Variants in TRIO observed in about 807,000 individuals in gnomAD.
TRIO encodes the protein trio Rho guanine nucleotide exchange factor, also known as triple functional domain protein.
A neutral mutation model predicts 351.9 loss-of-function variants in TRIO; 58 were observed. That is an observed-to-expected ratio of 0.16 (90% confidence interval 0.13 to 0.21). The LOEUF is 0.21. Ranked by LOEUF, TRIO falls within the 10% of genes least tolerant of loss-of-function variation. The probability of loss-of-function intolerance (pLI) is 1.00; values close to 1 mark genes in which losing one functional copy is unlikely to be tolerated. For missense variants in TRIO, 3,201 were observed against 4,027.8 expected (o/e 0.79, Z 5.56); for synonymous variants, 1,758 against 1,595.7 (o/e 1.10, Z -2.42).
chr5:14,413,041 G>A (rs1027719511), intron 33 of TRIO, among the ~76,000 whole-genome samples: 9 of 152,264 alleles, frequency 5.9e-5, no homozygotes, highest in Non-Finnish European at 7.4e-5. Flanking sequence ...CTGTGTCTCC[G>A]TTATACAGAT....
intron 1 of TRIO, among the ~76,000 whole-genome samples, chr5:14,165,164 C>A (rs1788693416): frequency 6.6e-6 from 1 of 152,116 alleles, no homozygotes; most frequent in Admixed American, 6.5e-5. Flanking sequence ...GATATACGAG[C>A]AGATTTGTTA....
intron 12 of TRIO, 133 bp from the exon 13 acceptor site, chr5:14,359,224 C>G: frequency 9.5e-7 from 1 of 1,047,772 alleles, no homozygotes; most frequent in Non-Finnish European, 1.4e-6. Flanking sequence ...GAGAGCAGCC[C>G]GTTCCATTTT....
intron 1 of TRIO, among the ~76,000 whole-genome samples, chr5:14,236,076 AC>A (rs1272661210): frequency 1.3e-5 from 2 of 152,182 alleles, no homozygotes. Flanking sequence ...TGTGGTAGAA[AC>A]CAAGCTTGTG....
rs115077705 is a variant in TRIO, at chr5:14,458,977, A to G, written c.5204-2042A>G. 1.2e-3 allele frequency among the ~76,000 whole-genome samples: 188 copies of G among 152,364 alleles called. 1 individual carries two copies. Among genetic ancestry groups the G allele is most frequent in the African/African-American group, 4.1e-3 (171 of 41,584 alleles). ...AATATATGAGAAAATATATATACAT[A>G]TAAGTACACAAACATAATATAGACA... On this transcript the variant is annotated intron_variant, in intron 34 of 56. Transcript: ENST00000344204.
chr5:14,377,157 T>A (rs1020321013), intron 19 of TRIO, among the ~76,000 whole-genome samples: 1 of 117,924 alleles, frequency 8.5e-6, no homozygotes, highest in African/African-American at 4.6e-5. Flanking sequence ...ATGAGGTTTG[T>A]TTTTTTTTTT....
At chr5:14,302,624 A>G (rs894533608) in intron 7 of TRIO, among the ~76,000 whole-genome samples, 2 of 152,356 alleles carry the variant, frequency 1.3e-5, no homozygotes, top group South Asian at 2.1e-4. Context: ...GCACTCAACA[A>G]TAAAAGGATT....
intron 9 of TRIO, among the ~76,000 whole-genome samples, chr5:14,319,985 G>T (rs115861021): frequency 6.6e-6 from 1 of 152,186 alleles, no homozygotes; most frequent in Non-Finnish European, 1.5e-5. Context: ...CACACTTACC[G>T]TGCTTCCAAT....
chr5:14,246,761 C>G (rs2152242160), intron 1 of TRIO, among the ~76,000 whole-genome samples: 1 of 152,320 alleles, frequency 6.6e-6, no homozygotes, highest in African/African-American at 2.4e-5. Flanking sequence ...TCTTTTGACT[C>G]AGCCATTCCC....
Position 14,406,566 on chromosome 5 carries a change from C to T in TRIO, c.4860-7C>T, listed in dbSNP as rs765336949. 3 of 1,613,854 alleles carry T rather than the reference C, an allele frequency of 1.9e-6. No homozygotes were observed. The highest frequency in any genetic ancestry group is 1.6e-4 in the Middle Eastern group (1 of 6,062). ...ATCAGGAACTAAAAGTTTCTTTGCA[C>T]CGCCAGGGATGGAGAGGATCTGGAC... On this transcript the variant is annotated splice_polypyrimidine_tract_variant and splice_region_variant and intron_variant, in intron 32 of 56. Coordinates refer to ENST00000344204, the MANE Select transcript of TRIO (RefSeq NM_007118.4).
rs111593684 is a variant in TRIO, at chr5:14,481,161, T to TA, written c.6337-62dup. On this transcript the variant is annotated intron_variant, in intron 43 of 56. Coordinates refer to ENST00000344204, the MANE Select transcript of TRIO (RefSeq NM_007118.4). ...AGTAACATAGTGAGACCCTGTCTCT[T>TA]AAAAAAAAAAATAAAAGGTCAGCTG... 22,269 of 1,273,578 alleles carry TA rather than the reference T, an allele frequency of 0.017. 173 individuals carry two copies. Among genetic ancestry groups the TA allele is most frequent in the African/African-American group, 0.091 (6,079 of 66,964 alleles). The allele number at this position is 1,273,578 out of a possible 1,614,324, so 78.9% of individuals were successfully genotyped here.
intron 11 of TRIO, among the ~76,000 whole-genome samples, chr5:14,339,028 A>G (rs754506535): frequency 6.6e-6 from 1 of 152,188 alleles, no homozygotes. Flanking sequence ...ACCAGACACT[A>G]AAGGATAACT....
intron 1 of TRIO, among the ~76,000 whole-genome samples, chr5:14,149,927 T>C (rs1467653887): frequency 6.6e-6 from 1 of 152,254 alleles, no homozygotes; most frequent in Non-Finnish European, 1.5e-5. Flanking sequence ...GCTTGTTTTC[T>C]CACAGTCTGT....
intron 1 of TRIO, among the ~76,000 whole-genome samples, chr5:14,232,193 G>A (rs1793476921): frequency 6.6e-6 from 1 of 152,164 alleles, no homozygotes; most frequent in Non-Finnish European, 1.5e-5. Context: ...TTTTGCCACT[G>A]TTCTTGATAG....
At chr5:14,363,339 C>A (rs913244472) in intron 13 of TRIO, among the ~76,000 whole-genome samples, 1 of 152,112 alleles carries the variant, frequency 6.6e-6, no homozygotes, top group African/African-American at 2.4e-5. Context: ...AATACTTTTT[C>A]TTTTCTTTCT....
intron 53 of TRIO, among the ~76,000 whole-genome samples, chr5:14,499,403 A>G (rs1757120315): frequency 6.6e-6 from 1 of 152,222 alleles, no homozygotes; most frequent in Non-Finnish European, 1.5e-5. Context: ...CTCTGCTGCC[A>G]TCTTGCAGAA....
At chr5:14,407,796 C>T (rs973326607) in intron 33 of TRIO, among the ~76,000 whole-genome samples, 31 of 152,288 alleles carry the variant, frequency 2.0e-4, no homozygotes, top group African/African-American at 6.3e-4. Flanking sequence ...CCTGGGTTTA[C>T]GTGATGGACA....
chr5:14,359,303 C>T (rs1743913600), intron 12 of TRIO, 54 bp from the exon 13 acceptor site: 1 of 1,579,748 alleles, frequency 6.3e-7, no homozygotes, highest in Non-Finnish European at 8.7e-7. Flanking sequence ...GATCTGGTAT[C>T]TAACAATGTG....
chr5:14,407,021 T>C (rs1748785661), intron 33 of TRIO, among the ~76,000 whole-genome samples: 2 of 152,120 alleles, frequency 1.3e-5, no homozygotes, highest in African/African-American at 4.8e-5. Flanking sequence ...AACACCAGCG[T>C]ATGTTTTAAT....
At chr5:14,323,104 T>G (rs1581617568) in intron 9 of TRIO, among the ~76,000 whole-genome samples, 1 of 152,286 alleles carries the variant, frequency 6.6e-6, no homozygotes, top group South Asian at 2.1e-4. Context: ...ACCCCTCATC[T>G]AAAACATCTT....
Sources: allele counts gnomAD v4.1 joint callset (sites outside exome capture counted in the v4.1 genomes callset), GRCh38; gene constraint gnomAD v4.1.1; transcripts MANE v1.5; gene names NCBI Gene and HGNC (gene_info 2026-07-23, HGNC 2026-07-21).